NEK2: variants seen among roughly 807,000 people sequenced by gnomAD.
The protein encoded by NEK2 is serine/threonine-protein kinase Nek2.
A neutral mutation model predicts 54.1 loss-of-function variants in NEK2; 28 were observed. That is an observed-to-expected ratio of 0.52 (90% CI 0.38 to 0.71). NEK2 has a LOEUF of 0.71. Among genes scored for constraint, NEK2 ranks in the 30% least tolerant of loss-of-function variants. NEK2 has a pLI of 0.00. For missense variants in NEK2, 407 were observed against 531.5 expected (o/e 0.77, Z 2.30); for synonymous variants, 176 against 193.1 (o/e 0.91, Z 0.73).
intron 7 of NEK2, among the ~76,000 whole-genome samples, chr1:211,664,897 G>T (rs1655128759): frequency 6.6e-6 from 1 of 152,202 alleles, no homozygotes; most frequent in African/African-American, 2.4e-5. Flanking sequence ...CTAGTCACAG[G>T]TGCAGCTGTA....
At position 211,675,384 on chromosome 1, in the gene NEK2, C is replaced by A. The variant is rs1462907071; in HGVS notation, c.96G>T (p.Lys32Asn). 6.2e-7 allele frequency: 1 copy of A among 1,613,682 alleles called. No homozygotes were observed. Among genetic ancestry groups the A allele is most frequent in the Non-Finnish European group, 8.5e-7 (1 of 1,179,590 alleles). ...CQKIRRKSDG[K>N]ILVWKELDYG... ...GGCGCAGGGTAGGTCCCACGCTCAC[C>A]TTGCCATCACTCTTCCTCCGGATCT... is the stretch of plus-strand genomic sequence containing the variant. Residue 32 changes from lysine to asparagine, a missense_variant and splice_region_variant, in exon 1 of 8, where the codon AAG becomes AAT. Lys to Asn is a moderately conservative substitution (Grantham distance 94, BLOSUM62 0). Coordinates refer to ENST00000366999, the MANE Select transcript of NEK2 (RefSeq NM_002497.4).
At chr1:211,660,653 C>G, downstream of NEK2, 1 of 654,738 alleles carries the variant, frequency 1.5e-6, no homozygotes, top group South Asian at 1.4e-5. Flanking sequence ...GAGTAGAAAA[C>G]TGTCTTGTAC....
chr1:211,664,694 G>A (rs116690229), intron 7 of NEK2, among the ~76,000 whole-genome samples: 4,396 of 152,294 alleles, frequency 0.029, 116 homozygotes, highest in Non-Finnish European at 0.039. Context: ...TTCATACGTC[G>A]CTTCTGCTTC....
At position 211,662,897 on chromosome 1, in the gene NEK2, C is replaced by G; in HGVS notation, c.*529G>C. On this transcript the variant is annotated 3_prime_UTR_variant, in exon 8 of 8. Transcript: ENST00000366999. The surrounding 1 kb of genome is among the most constrained non-coding windows in gnomAD (Gnocchi z 4.2). Reference sequence around the variant, plus strand: ...ATCACAGTGATGAATTTTCACAAAGCTAACAGATTTGAACTACAGAGCAAT... The same window carrying G: ...ATCACAGTGATGAATTTTCACAAAGGTAACAGATTTGAACTACAGAGCAAT... 1.0e-6 allele frequency: 1 copy of G among 985,046 alleles called. No homozygotes were observed. Among genetic ancestry groups the G allele is most frequent in the Non-Finnish European group, 1.2e-6 (1 of 829,932 alleles). The allele number at this position is 985,046 out of a possible 1,614,324, so 61.0% of individuals were successfully genotyped here. A position where few individuals can be genotyped will look rare whatever the true frequency, so the allele number is the denominator to read the frequency against.
rs1466613852 is a variant in NEK2 at position 211,673,742 on chromosome 1, T to C, written c.315-19A>G. ...GTATTGCCTAAAACCAAAGCAGTTA[T>C]ACAGCATATAACTTCTAAAAAAATC... On this transcript the variant is annotated intron_variant, in intron 2 of 7. Coordinates refer to ENST00000366999, the MANE Select transcript of NEK2 (RefSeq NM_002497.4). 2.5e-6 allele frequency: 4 copies of C among 1,612,282 alleles called. No individual in the cohort carries two copies. Among genetic ancestry groups the C allele is most frequent in the East Asian group, 2.2e-5 (1 of 44,856 alleles).
At chr1:211,659,265 C>T (rs1654958740), downstream of NEK2, among the ~76,000 whole-genome samples, 1 of 151,674 alleles carries the variant, frequency 6.6e-6, no homozygotes, top group African/African-American at 2.4e-5. Flanking sequence ...AAGTGTATTA[C>T]AGGACTGGAT....
At chr1:211,659,753 C>T (rs12037104), downstream of NEK2, among the ~76,000 whole-genome samples, 22,857 of 151,992 alleles carry the variant, frequency 0.15, 1,837 homozygotes, top group East Asian at 0.22. Context: ...CCAAGGCAGG[C>T]GAATGATACA....
At chr1:211,669,469 T>A in intron 5 of NEK2, 137 bp from the exon 6 acceptor site, 1 of 718,492 alleles carries the variant, frequency 1.4e-6, no homozygotes, top group East Asian at 2.7e-5. Flanking sequence ...TCTTAAAAAC[T>A]TGGAAAAATA....
At chr1:211,659,223 CAG>C (rs1276059209), downstream of NEK2, among the ~76,000 whole-genome samples, 1 of 122,726 alleles carries the variant, frequency 8.1e-6, no homozygotes, top group African/African-American at 2.9e-5. Flanking sequence ...AAACATAAAA[CAG>C]AAAAAAAAAA....
In NEK2 at chr1:211,674,380, C is replaced by A; in HGVS notation, c.230G>T (p.Arg77Leu). The change falls in exon 2 of 8, where the codon CGG becomes CTG. Residue 77 changes from arginine to leucine, a missense_variant. Transcript: ENST00000366999. ...TACAATGTACAGTGTTGTATTGGTC[C>A]GGTCAATAATCCGATCATAGTAACG... ...IVRYYDRIID[R>L]TNTTLYIVME... The A allele has an allele frequency of 6.2e-7, 1 of 1,614,112 alleles. No individual in the cohort carries two copies. Among genetic ancestry groups the A allele is most frequent in the Non-Finnish European group, 8.5e-7 (1 of 1,180,000 alleles).
At chr1:211,673,195 G>A (rs1655455062) in intron 3 of NEK2, among the ~76,000 whole-genome samples, 1 of 152,060 alleles carries the variant, frequency 6.6e-6, no homozygotes, top group African/African-American at 2.4e-5. Context: ...GATCGCTTGA[G>A]GTCAGGAGTT....
rs552675167 is a variant in NEK2, at chr1:211,673,071, A to G, written c.555+412T>C. Among the ~76,000 whole-genome samples, 278 of 151,526 alleles carry G rather than the reference A, an allele frequency of 1.8e-3. 2 individuals are homozygous for G. The highest frequency in any genetic ancestry group is 6.1e-3 in the African/African-American group (253 of 41,288). On this transcript the variant is annotated intron_variant, in intron 3 of 7. Transcript: ENST00000366999. ...ATTCTTGGCTACTAGATATTACTAA[A>G]CAAACAGAAAACTCAATTTCCCTGC...
chr1:211,668,148 A>G (rs1008611668), intron 6 of NEK2, among the ~76,000 whole-genome samples: 1 of 152,220 alleles, frequency 6.6e-6, no homozygotes, highest in African/African-American at 2.4e-5. Context: ...GGTTGTACCT[A>G]TACAGTAAGC....
chr1:211,662,028 C>G (rs763810074), downstream of NEK2, among the ~76,000 whole-genome samples: 6 of 152,146 alleles, frequency 3.9e-5, no homozygotes, highest in Admixed American at 6.6e-5. This position sits in a 1 kb window ranked among gnomAD's most constrained non-coding sequence, Gnocchi z 4.2. Context: ...TGGAAACACC[C>G]TCACAGACAC....
intron 1 of NEK2, among the ~76,000 whole-genome samples, chr1:211,674,764 C>T (rs552756666): frequency 7.7e-4 from 117 of 152,268 alleles, no homozygotes; most frequent in African/African-American, 2.7e-3. Context: ...AACCCCTACC[C>T]TCAGTTGGTT....
At chr1:211,661,894 A>T (rs1053182056), downstream of NEK2, among the ~76,000 whole-genome samples, 3 of 152,202 alleles carry the variant, frequency 2.0e-5, no homozygotes, top group Non-Finnish European at 4.4e-5. Flanking sequence ...TAACTGAATA[A>T]TTTGGCAGGA....
At chr1:211,671,113 G>A (rs1655371951) in intron 4 of NEK2, 89 bp downstream of exon 4, 8 of 1,000,582 alleles carry the variant, frequency 8.0e-6, no homozygotes, top group East Asian at 4.8e-5. Context: ...ATATACTTTC[G>A]TTAGCACAGA....
downstream of NEK2, chr1:211,660,972 C>G: frequency 1.3e-6 from 1 of 744,492 alleles, no homozygotes; most frequent in Non-Finnish European, 2.5e-6. Context: ...AAGCTTGCAG[C>G]AGTTCCACAC....
intron 6 of NEK2, among the ~76,000 whole-genome samples, chr1:211,667,534 ATC>A (rs1655219711): frequency 6.6e-6 from 1 of 152,176 alleles, no homozygotes; most frequent in Non-Finnish European, 1.5e-5. Flanking sequence ...AACTAAAGCT[ATC>A]TCTGCTCTTC....
Sources: allele counts gnomAD v4.1 joint callset (sites outside exome capture counted in the v4.1 genomes callset), GRCh38; gene constraint gnomAD v4.1.1; non-coding constraint Gnocchi (gnomAD v3.1); transcripts MANE v1.5; gene names NCBI Gene and HGNC (gene_info 2026-07-23, HGNC 2026-07-21).